Variants in MAPKAPK2 observed in about 807,000 individuals in gnomAD.
MAPKAPK2 encodes MAPK activated protein kinase 2.
Under a neutral mutation model 48.8 loss-of-function variants are expected in MAPKAPK2, and 9 were observed. The observed-to-expected ratio is 0.18, with a 90% CI of 0.11 to 0.32. MAPKAPK2 has a LOEUF of 0.32. Among genes scored for constraint, MAPKAPK2 ranks in the 10% least tolerant of loss-of-function variants. The pLI is 1.00. For missense variants in MAPKAPK2, 331 were observed against 498.3 expected (o/e 0.66, Z 3.20); for synonymous variants, 202 against 190.6 (o/e 1.06, Z -0.49).
At chr1:206,728,039 GA>G in intron 1 of MAPKAPK2, among the ~76,000 whole-genome samples, 1 of 152,184 alleles carries the variant, frequency 6.6e-6, no homozygotes, top group Non-Finnish European at 1.5e-5. Flanking sequence ...TTGAACCCCT[GA>G]GGCTGGTGAG....
intron 1 of MAPKAPK2, among the ~76,000 whole-genome samples, chr1:206,702,330 C>T (rs1401912596): frequency 6.6e-6 from 1 of 152,206 alleles, no homozygotes; most frequent in East Asian, 1.9e-4. Context: ...TGGTGTGGTC[C>T]CTGCCACTCC....
rs181115910 is a variant in MAPKAPK2 at position 206,699,283 on chromosome 1, G to A, written c.279+13775G>A. ...GTGGGGGTAAGTGTCTGGGCACCAG[G>A]GTGGCCAATAAAGGATGCAGAGACA... On this transcript the variant is annotated intron_variant, in intron 1 of 9. Coordinates refer to ENST00000367103, the MANE Select transcript of MAPKAPK2 (RefSeq NM_032960.4). 2.0e-5 allele frequency among the ~76,000 whole-genome samples: 3 copies of A among 152,286 alleles called. No individual in the cohort carries two copies. In the East Asian group the frequency reaches 5.8e-4, roughly 29 times the overall value.
At chr1:206,697,774 G>GA (rs782743330) in intron 1 of MAPKAPK2, among the ~76,000 whole-genome samples, 12 of 152,234 alleles carry the variant, frequency 7.9e-5, no homozygotes, top group Non-Finnish European at 1.6e-4. Context: ...TCAAAGGTTT[G>GA]AACCTCATGG....
intron 1 of MAPKAPK2, among the ~76,000 whole-genome samples, chr1:206,718,025 C>A (rs922663257): frequency 6.6e-6 from 1 of 152,040 alleles, no homozygotes; most frequent in African/African-American, 2.4e-5. Context: ...AAAACAATAA[C>A]AACAAAACTA....
chr1:206,731,271 C>T lies in MAPKAPK2; in HGVS notation c.892+9C>T, dbSNP rs1673899328. 1.2e-6 allele frequency: 2 copies of T among 1,614,078 alleles called. No individual in the cohort carries two copies. The highest frequency in any genetic ancestry group is 1.7e-6 in the Non-Finnish European group (2 of 1,180,020). ...AGAAGTATCAGAGGAAGGTAAGAAC[C>T]CAGGCTTTCAGGACAAGGGGAAGAG... is the stretch of plus-strand genomic sequence containing the variant. On this transcript the variant is annotated intron_variant, in intron 7 of 9. Coordinates refer to ENST00000367103, the MANE Select transcript of MAPKAPK2 (RefSeq NM_032960.4). This position sits in a 1 kb window ranked among gnomAD's most constrained non-coding sequence, Gnocchi z 5.9.
At position 206,732,770 on chromosome 1, in the gene MAPKAPK2, A is replaced by G. The variant is rs574695170; in HGVS notation, c.*52A>G. On this transcript the variant is annotated 3_prime_UTR_variant, in exon 10 of 10. Coordinates refer to ENST00000367103, the MANE Select transcript of MAPKAPK2 (RefSeq NM_032960.4). This position sits in a 1 kb window ranked among gnomAD's most constrained non-coding sequence, Gnocchi z 4.4. ...GGACAAGCAATAACTCTCTACAGGA[A>G]TATATTTTTTAAACGAAGAGACAGA... 3.1e-6 allele frequency: 5 copies of G among 1,598,452 alleles called. 1 individual carries two copies. In the South Asian group the frequency reaches 3.3e-5, roughly 11 times the overall value.
At position 206,731,539 on chromosome 1, in the gene MAPKAPK2, C is replaced by A; in HGVS notation, c.893-101C>A. On this transcript the variant is annotated intron_variant, in intron 7 of 9. Coordinates refer to ENST00000367103, the MANE Select transcript of MAPKAPK2 (RefSeq NM_032960.4). This position sits in a 1 kb window ranked among gnomAD's most constrained non-coding sequence, Gnocchi z 5.9. Reference sequence around the variant, plus strand: ...GTTGCTCCGGCAGCCTGCCTCCATGCACCCCCTCTTTGAACCTGGTTTCCC... The same window carrying A: ...GTTGCTCCGGCAGCCTGCCTCCATGAACCCCCTCTTTGAACCTGGTTTCCC... 8.6e-7 allele frequency: 1 copy of A among 1,168,952 alleles called. No homozygotes were observed. The highest frequency in any genetic ancestry group is 1.3e-6 in the Non-Finnish European group (1 of 779,854). 72.4% of individuals were successfully genotyped at this position (1,168,952 alleles called of 1,614,324 possible). A position where few individuals can be genotyped will look rare whatever the true frequency, so the allele number is the denominator to read the frequency against.
intron 1 of MAPKAPK2, among the ~76,000 whole-genome samples, chr1:206,686,978 G>A (rs566756045): frequency 6.6e-6 from 1 of 152,336 alleles, no homozygotes; most frequent in South Asian, 2.1e-4. Context: ...CATAACTGAA[G>A]GGAAAGGAGG....
At chr1:206,706,410 A>T (rs1558578725) in intron 1 of MAPKAPK2, among the ~76,000 whole-genome samples, 1 of 151,994 alleles carries the variant, frequency 6.6e-6, no homozygotes, top group Non-Finnish European at 1.5e-5. Context: ...TATCCCGACC[A>T]CCCTGCAGGA....
rs542732732 is a variant in MAPKAPK2, at chr1:206,726,717, CTT to C, written c.280-1992_280-1991del. 1.4e-3 allele frequency among the ~76,000 whole-genome samples: 215 copies of C among 152,374 alleles called. 1 individual carries two copies. The highest frequency in any genetic ancestry group is 2.1e-3 in the Non-Finnish European group (143 of 68,038). On this transcript the variant is annotated intron_variant, in intron 1 of 9. Transcript: ENST00000367103. ...CCTTGGCTCTGCCTTTTCTCAGAAA[CTT>C]AGCCTTGGGCATGCTACTTCTCTGA... is the stretch of plus-strand genomic sequence containing the variant.
chr1:206,719,769 A>G lies in MAPKAPK2; in HGVS notation c.280-8941A>G, dbSNP rs782550349. On this transcript the variant is annotated intron_variant, in intron 1 of 9. Transcript: ENST00000367103. ...GAAGTGTGACATCTTGCTCCAGCCT[A>G]TAAGCAGCTGTCTGTAATTTTGAGA... Among the ~76,000 whole-genome samples the G allele has an allele frequency of 3.3e-5, 5 of 152,218 alleles. No individual in the cohort carries two copies. In the East Asian group the frequency reaches 9.6e-4, roughly 29 times the overall value.
At chr1:206,692,341 A>T (rs1262874623) in intron 1 of MAPKAPK2, among the ~76,000 whole-genome samples, 8 of 152,194 alleles carry the variant, frequency 5.3e-5, no homozygotes, top group African/African-American at 1.9e-4. Flanking sequence ...CATTCAGGTG[A>T]CCCTCAGCCC....
chr1:206,699,763 T>C (rs1485645832), intron 1 of MAPKAPK2, among the ~76,000 whole-genome samples: 1 of 151,980 alleles, frequency 6.6e-6, no homozygotes, highest in Non-Finnish European at 1.5e-5. Context: ...AGGGAGGCCG[T>C]GTTTGTGTCC....
At chr1:206,696,690 C>T (rs565647205) in intron 1 of MAPKAPK2, among the ~76,000 whole-genome samples, 1 of 152,134 alleles carries the variant, frequency 6.6e-6, no homozygotes, top group African/African-American at 2.4e-5. Context: ...GGTGACAGAG[C>T]GAGACCCCGT....
rs1432385542 is a variant in MAPKAPK2, at chr1:206,704,361, G to C, written c.279+18853G>C. 1.3e-5 allele frequency among the ~76,000 whole-genome samples: 2 copies of C among 152,232 alleles called. No individual in the cohort carries two copies. Among genetic ancestry groups the C allele is most frequent in the African/African-American group, 4.8e-5 (2 of 41,450 alleles). On this transcript the variant is annotated intron_variant, in intron 1 of 9. Coordinates refer to ENST00000367103, the MANE Select transcript of MAPKAPK2 (RefSeq NM_032960.4). The surrounding 1 kb of genome is among the most constrained non-coding windows in gnomAD (Gnocchi z 4.3). ...TCCCCTTGCTGGGCACGCTTGGCAG[G>C]CATCCTGCTTTTCCTTTCAGGTTGC...
chr1:206,731,308 G>GTA lies in MAPKAPK2; in HGVS notation c.892+47_892+48insAT, dbSNP rs1553432630. ...GACAAGGGGAAGAGCCCGTGTGTGT[G>GTA]TGTGTGTGTGTATGTGTGTACACGC... On this transcript the variant is annotated intron_variant, in intron 7 of 9. Coordinates refer to ENST00000367103, the MANE Select transcript of MAPKAPK2 (RefSeq NM_032960.4). The surrounding 1 kb of genome is among the most constrained non-coding windows in gnomAD (Gnocchi z 5.9). 3 of 1,611,494 alleles carry GTA rather than the reference G, an allele frequency of 1.9e-6. No individual in the cohort carries two copies. The highest frequency in any genetic ancestry group is 2.5e-6 in the Non-Finnish European group (3 of 1,178,600).
At chr1:206,726,919 G>A (rs1379324261) in intron 1 of MAPKAPK2, among the ~76,000 whole-genome samples, 2 of 152,162 alleles carry the variant, frequency 1.3e-5, no homozygotes, top group African/African-American at 4.8e-5. Flanking sequence ...GCAAGCTTCA[G>A]ACACTTTCCA....
intron 1 of MAPKAPK2, among the ~76,000 whole-genome samples, chr1:206,721,225 C>T (rs1215423398): frequency 6.6e-6 from 1 of 152,164 alleles, no homozygotes; most frequent in Admixed American, 6.5e-5. Context: ...TCCCTGCTCC[C>T]CCTTCACCTT....
intron 1 of MAPKAPK2, among the ~76,000 whole-genome samples, chr1:206,717,572 T>C (rs932572341): frequency 2.7e-4 from 41 of 152,172 alleles, no homozygotes; most frequent in African/African-American, 9.4e-4. Context: ...ATTCTTAGGG[T>C]TACATCCTCT....
Sources: allele counts gnomAD v4.1 joint callset (sites outside exome capture counted in the v4.1 genomes callset), GRCh38; gene constraint gnomAD v4.1.1; non-coding constraint Gnocchi (gnomAD v3.1); transcripts MANE v1.5; gene names NCBI Gene and HGNC (gene_info 2026-07-23, HGNC 2026-07-21).